The following ROBO1 variants were observed in gnomAD, a reference collection of about 807,000 sequenced individuals.
ROBO1 encodes roundabout homolog 1.
Under a neutral mutation model 195.9 loss-of-function variants are expected in ROBO1, and 149 were observed. The ratio of observed to expected loss-of-function variants is 0.76; its 90% confidence interval spans 0.67 to 0.87. ROBO1 has a LOEUF of 0.87. Ranked by LOEUF, ROBO1 falls within the 40% of genes least tolerant of loss-of-function variation. The pLI, the probability that ROBO1 is intolerant of heterozygous loss-of-function variation, is 0.00. For missense variants in ROBO1, 1,933 were observed against 2,068.3 expected (o/e 0.93, Z 1.27); for synonymous variants, 816 against 733.2 (o/e 1.11, Z -1.82).
chr3:79,190,409 T>C (rs1441341564), intron 2 of ROBO1, among the ~76,000 whole-genome samples: 1 of 151,648 alleles, frequency 6.6e-6, no homozygotes, highest in Non-Finnish European at 1.5e-5. Context: ...TAACTGCATG[T>C]GAATAGTGGC....
At chr3:78,849,830 T>TTACACC (rs2033927383) in intron 4 of ROBO1, among the ~76,000 whole-genome samples, 1 of 102,318 alleles carries the variant, frequency 9.8e-6, no homozygotes, top group Non-Finnish European at 1.8e-5. Context: ...CTCTCTCCCA[T>TTACACC]TACACACACA....
chr3:79,251,107 T>A (rs1411740473), intron 2 of ROBO1, among the ~76,000 whole-genome samples: 8 of 152,182 alleles, frequency 5.3e-5, no homozygotes, highest in Non-Finnish European at 1.2e-4. Flanking sequence ...CATATCAATA[T>A]GAATGTCTGT....
intron 3 of ROBO1, among the ~76,000 whole-genome samples, chr3:79,056,297 C>A (rs1034865627): frequency 6.6e-6 from 1 of 152,180 alleles, no homozygotes; most frequent in East Asian, 1.9e-4. Context: ...GTGCTTTCAC[C>A]AGTTCGAGCC....
In ROBO1 at chr3:78,882,320, TAGTA is replaced by T. The variant is rs536654065; in HGVS notation, c.499+56277_499+56280del. On this transcript the variant is annotated intron_variant, in intron 4 of 30. Transcript: ENST00000464233. ...ATGAGGCCACTACAAAACTAGAAAG[TAGTA>T]AGTAATTTTTTTCTAAAACGATAGA... Among the ~76,000 whole-genome samples the T allele has an allele frequency of 8.1e-4, 123 of 152,178 alleles. 1 individual carries two copies. The highest frequency in any genetic ancestry group is 1.1e-3 in the Non-Finnish European group (75 of 68,008).
At chr3:79,477,465 T>A (rs1938604387) in intron 2 of ROBO1, among the ~76,000 whole-genome samples, 2 of 152,294 alleles carry the variant, frequency 1.3e-5, no homozygotes, top group African/African-American at 4.8e-5. Flanking sequence ...ACATTAAGTT[T>A]TCTTTTTTAT....
intron 1 of ROBO1, among the ~76,000 whole-genome samples, chr3:79,638,602 C>T (rs986309798): frequency 2.0e-5 from 3 of 152,158 alleles, no homozygotes; most frequent in East Asian, 3.9e-4. Context: ...TTTTGAAGAA[C>T]CTGACAAGCA....
chr3:79,260,715 A>G (rs115915540), intron 2 of ROBO1, among the ~76,000 whole-genome samples: 1,733 of 152,234 alleles, frequency 0.011, 17 homozygotes, highest in Non-Finnish European at 0.017. Flanking sequence ...ATAAAAGCCA[A>G]TGCTGTCTTC....
intron 1 of ROBO1, among the ~76,000 whole-genome samples, chr3:79,707,699 G>T (rs903806305): frequency 7.9e-5 from 12 of 152,000 alleles, no homozygotes; most frequent in African/African-American, 2.9e-4. Context: ...TAGTAGAGAT[G>T]GGGTTCCACC....
chr3:79,622,383 G>T (rs1289805071), intron 1 of ROBO1, among the ~76,000 whole-genome samples: 1 of 152,178 alleles, frequency 6.6e-6, no homozygotes, highest in Non-Finnish European at 1.5e-5. Flanking sequence ...AACTCCTTGG[G>T]GGAGGGGTAG....
At chr3:78,967,295 G>T (rs772597738) in intron 3 of ROBO1, among the ~76,000 whole-genome samples, 1 of 152,048 alleles carries the variant, frequency 6.6e-6, no homozygotes, top group Non-Finnish European at 1.5e-5. Context: ...AGGCAGTTCT[G>T]TTATGACCTG....
At chr3:79,757,510 C>CATATATATATATATATAT (rs145729181) in intron 1 of ROBO1, among the ~76,000 whole-genome samples, 2 of 70,514 alleles carry the variant, frequency 2.8e-5, no homozygotes, top group African/African-American at 1.1e-4. Flanking sequence ...TCTCTCTCTC[C>CATATATATATATATATAT]ATATATATAT....
intron 2 of ROBO1, among the ~76,000 whole-genome samples, chr3:79,367,032 C>G (rs921838081): frequency 3.3e-5 from 5 of 152,154 alleles, no homozygotes; most frequent in African/African-American, 1.2e-4. Context: ...ATCTGCCCAT[C>G]ATTATCCATA....
At chr3:78,696,747 T>TAC (rs1553705084) in intron 8 of ROBO1, among the ~76,000 whole-genome samples, 2 of 147,568 alleles carry the variant, frequency 1.4e-5, no homozygotes, top group Non-Finnish European at 3.0e-5. Context: ...CATATATATA[T>TAC]ACACATATAT....
intron 2 of ROBO1, among the ~76,000 whole-genome samples, chr3:79,514,808 C>T: frequency 6.6e-6 from 1 of 152,074 alleles, no homozygotes; most frequent in East Asian, 1.9e-4. Flanking sequence ...TTAAAATAAA[C>T]ACTTAAGTAT....
chr3:79,487,009 G>A (rs1315990381), intron 2 of ROBO1, among the ~76,000 whole-genome samples: 1 of 151,850 alleles, frequency 6.6e-6, no homozygotes, highest in African/African-American at 2.4e-5. Context: ...CCATATATTT[G>A]CCATCCCACA....
chr3:79,728,831 T>TG (rs1703032156), intron 1 of ROBO1, among the ~76,000 whole-genome samples: 1 of 152,134 alleles, frequency 6.6e-6, no homozygotes, highest in African/African-American at 2.4e-5. Context: ...TATAGCAAGT[T>TG]CTCTTCCAAG....
chr3:79,405,566 T>C (rs2037514940), intron 2 of ROBO1, among the ~76,000 whole-genome samples: 1 of 152,200 alleles, frequency 6.6e-6, no homozygotes, highest in African/African-American at 2.4e-5. Context: ...GGTAATTCTT[T>C]ACTTTTTATT....
intron 29 of ROBO1, among the ~76,000 whole-genome samples, chr3:78,601,925 A>G (rs1479515274): frequency 3.3e-5 from 5 of 152,054 alleles, no homozygotes; most frequent in Non-Finnish European, 1.5e-5. Context: ...ATGAAGCACC[A>G]CAGATATGCT....
At chr3:79,395,713 A>AT (rs1443390693) in intron 2 of ROBO1, among the ~76,000 whole-genome samples, 6 of 152,080 alleles carry the variant, frequency 3.9e-5, no homozygotes. Context: ...TCCCACCTAA[A>AT]TTTTTCATGA....
Sources: allele counts gnomAD v4.1 joint callset (sites outside exome capture counted in the v4.1 genomes callset), GRCh38; gene constraint gnomAD v4.1.1; transcripts MANE v1.5; gene names NCBI Gene and HGNC (gene_info 2026-07-23, HGNC 2026-07-21).